Variants in SMOC2 observed in about 807,000 individuals in gnomAD.
The protein encoded by SMOC2 is SPARC related modular calcium binding 2, also known as SPARC-related modular calcium-binding protein 2.
A neutral mutation model predicts 61.4 loss-of-function variants in SMOC2; 39 were observed. The observed-to-expected ratio is 0.64, with a 90% CI of 0.49 to 0.83. The LOEUF (loss-of-function observed/expected upper bound fraction) is 0.83. Ranked by LOEUF, SMOC2 falls within the 40% of genes least tolerant of loss-of-function variation. The pLI is 0.00. For synonymous variants in SMOC2, 247 were observed against 239.9 expected, an observed-to-expected ratio of 1.03 and a Z score of -0.27; for missense variants, 556 against 592.9, an observed-to-expected ratio of 0.94 and a Z score of 0.65.
chr6:168,642,295 C>A lies in SMOC2; in HGVS notation c.908-8386C>A, dbSNP rs189560898. ...AGAACCAGCCGGATTGGCTACAGCT[C>A]GGCGTCAGCCTCATTTGAACATGGT... On this transcript the variant is annotated intron_variant, in intron 9 of 12. Coordinates refer to ENST00000356284, the MANE Select transcript of SMOC2 (RefSeq NM_001166412.2). Among the ~76,000 whole-genome samples, 3 of 152,312 alleles carry A rather than the reference C, an allele frequency of 2.0e-5. No individual in the cohort carries two copies. In the East Asian group the frequency reaches 5.8e-4, roughly 29 times the overall value.
At chr6:168,664,751 T>C (rs1473599439) in intron 12 of SMOC2, 1 of 471,146 alleles carries the variant, frequency 2.1e-6, no homozygotes, top group South Asian at 1.5e-5. Context: ...AATGGTGGTG[T>C]CCTCCAGACC....
intron 1 of SMOC2, among the ~76,000 whole-genome samples, chr6:168,488,028 G>A (rs551341391): frequency 8.5e-5 from 13 of 152,138 alleles, no homozygotes; most frequent in South Asian, 2.1e-4. Context: ...TTTTCTCTCC[G>A]GTTATAGAGC....
At chr6:168,518,340 G>C (rs1562566149) in intron 2 of SMOC2, among the ~76,000 whole-genome samples, 1 of 151,162 alleles carries the variant, frequency 6.6e-6, no homozygotes, top group Non-Finnish European at 1.5e-5. Context: ...TATGCCTGAG[G>C]TGTGTGTGCG....
Position 168,535,257 on chromosome 6 carries a change from A to AC in SMOC2, c.463+7532dup, listed in dbSNP as rs1327576729. On this transcript the variant is annotated intron_variant, in intron 4 of 12. Transcript: ENST00000356284. This position sits in a 1 kb window ranked among gnomAD's most constrained non-coding sequence, Gnocchi z 4.6. Reference sequence around the variant, plus strand: ...AGTGCTGGGATTACAGGCAGGAGCCACCGTGCCCAGCCTCCAGAGATATTT... The same window carrying AC: ...AGTGCTGGGATTACAGGCAGGAGCCACCCGTGCCCAGCCTCCAGAGATATTT... 6.6e-6 allele frequency among the ~76,000 whole-genome samples: 1 copy of AC among 152,118 alleles called. No homozygotes were observed. The highest frequency in any genetic ancestry group is 2.4e-5 in the African/African-American group (1 of 41,422).
rs766930534 is a variant in SMOC2, at chr6:168,598,848, C to T, written c.668C>T (p.Ala223Val). ...TCCTGTGACCAAGAGCACCAGTCTG[C>T]CCTGGAGGAAGCCAAGCAGCCCAAG... ...VSSCDQEHQSALEEAKQPKND... is the reference protein window; with the variant it reads ...VSSCDQEHQSVLEEAKQPKND... The change falls in exon 8 of 13, where the codon GCC becomes GTC. Residue 223 changes from alanine to valine, a missense_variant. Coordinates refer to ENST00000356284, the MANE Select transcript of SMOC2 (RefSeq NM_001166412.2). The T allele has an allele frequency of 6.2e-7, 1 of 1,613,852 alleles. No individual in the cohort carries two copies. The highest frequency in any genetic ancestry group is 8.5e-7 in the Non-Finnish European group (1 of 1,179,818).
intron 4 of SMOC2, among the ~76,000 whole-genome samples, chr6:168,536,728 CT>C (rs1267730126): frequency 6.6e-6 from 1 of 152,156 alleles, no homozygotes. Context: ...GTGCCACCCC[CT>C]GGGGGTACTG....
chr6:168,541,164 T>G (rs1783870409), intron 4 of SMOC2, among the ~76,000 whole-genome samples: 1 of 152,212 alleles, frequency 6.6e-6, no homozygotes, highest in East Asian at 1.9e-4. Context: ...ATCCCCATTA[T>G]GACAAAACCC....
chr6:168,601,489 G>A (rs1202119267), intron 8 of SMOC2, among the ~76,000 whole-genome samples: 1 of 152,244 alleles, frequency 6.6e-6, no homozygotes, highest in Non-Finnish European at 1.5e-5. Context: ...CAAGGTTTTG[G>A]TATGAGAATT....
intron 9 of SMOC2, among the ~76,000 whole-genome samples, chr6:168,630,849 C>A (rs1786548244): frequency 6.6e-6 from 1 of 152,210 alleles, no homozygotes; most frequent in African/African-American, 2.4e-5. Flanking sequence ...TCCTATAGTG[C>A]TCCCAGGCTT....
chr6:168,569,320 A>G (rs759455855), intron 7 of SMOC2, among the ~76,000 whole-genome samples: 1 of 152,168 alleles, frequency 6.6e-6, no homozygotes, highest in Non-Finnish European at 1.5e-5. Flanking sequence ...TGGTATCTGT[A>G]TATCTTCTTT....
In SMOC2 at chr6:168,549,212, C is replaced by G. The variant is rs1246777490; in HGVS notation, c.637+9C>G. On this transcript the variant is annotated intron_variant, in intron 7 of 12. Coordinates refer to ENST00000356284, the MANE Select transcript of SMOC2 (RefSeq NM_001166412.2). ...AACCAATAAGAATTCAGGTAAGATG[C>G]TGCCTGATGTCACTTTGTAAGGAGT... 2 of 1,611,246 alleles carry G rather than the reference C, an allele frequency of 1.2e-6. No homozygotes were observed. The highest frequency in any genetic ancestry group is 1.7e-6 in the Non-Finnish European group (2 of 1,177,422).
intron 9 of SMOC2, among the ~76,000 whole-genome samples, chr6:168,628,195 G>C (rs2115243666): frequency 6.6e-6 from 1 of 152,342 alleles, no homozygotes; most frequent in African/African-American, 2.4e-5. Flanking sequence ...ACTTTGGAGA[G>C]CCTCACTTTC....
intron 6 of SMOC2, among the ~76,000 whole-genome samples, chr6:168,547,806 C>T (rs572832793): frequency 6.6e-6 from 1 of 152,028 alleles, no homozygotes; most frequent in East Asian, 1.9e-4. Context: ...CACTGTTTTT[C>T]CTGATGTCTT....
intron 2 of SMOC2, among the ~76,000 whole-genome samples, chr6:168,525,248 C>T (rs1021282819): frequency 2.6e-5 from 4 of 152,338 alleles, no homozygotes; most frequent in Admixed American, 1.3e-4. Flanking sequence ...AACGTGACGT[C>T]GTCTCCTGTG....
intron 10 of SMOC2, among the ~76,000 whole-genome samples, chr6:168,652,711 T>A (rs1787226651): frequency 6.6e-6 from 1 of 152,206 alleles, no homozygotes; most frequent in Non-Finnish European, 1.5e-5. Flanking sequence ...TTCAAGTGCA[T>A]CTTTGCTGGG....
At chr6:168,657,139 G>A (rs1787343737) in intron 11 of SMOC2, among the ~76,000 whole-genome samples, 1 of 152,238 alleles carries the variant, frequency 6.6e-6, no homozygotes, top group African/African-American at 2.4e-5. Flanking sequence ...GGCACTAAAT[G>A]TGCTGCCAAG....
At chr6:168,570,912 T>C (rs1350126069) in intron 7 of SMOC2, among the ~76,000 whole-genome samples, 1 of 152,206 alleles carries the variant, frequency 6.6e-6, no homozygotes, top group Admixed American at 6.5e-5. Flanking sequence ...TGTTTTCTTT[T>C]CTCTCCTCAT....
intron 1 of SMOC2, among the ~76,000 whole-genome samples, chr6:168,479,676 G>T (rs974652289): frequency 6.6e-6 from 1 of 152,232 alleles, no homozygotes; most frequent in African/African-American, 2.4e-5. Context: ...CATGCAGTTT[G>T]TGAGAATCAG....
At chr6:168,546,426 G>A (rs1165783499) in intron 5 of SMOC2, among the ~76,000 whole-genome samples, 1 of 152,112 alleles carries the variant, frequency 6.6e-6, no homozygotes, top group African/African-American at 2.4e-5. Context: ...GGGGCCCAAT[G>A]TGTGTGTGTC....
Sources: allele counts gnomAD v4.1 joint callset (sites outside exome capture counted in the v4.1 genomes callset), GRCh38; gene constraint gnomAD v4.1.1; non-coding constraint Gnocchi (gnomAD v3.1); transcripts MANE v1.5; gene names NCBI Gene and HGNC (gene_info 2026-07-23, HGNC 2026-07-21).